CACNA2D3: variants seen among roughly 807,000 people sequenced by gnomAD.
CACNA2D3 encodes voltage-dependent calcium channel subunit alpha-2/delta-3.
In CACNA2D3, 60 loss-of-function variants were observed where a neutral mutation model predicts 160.6. That is an observed-to-expected ratio of 0.37 (90% CI 0.30 to 0.46). The LOEUF is 0.46. Among genes scored for constraint, CACNA2D3 ranks in the 20% least tolerant of loss-of-function variants. CACNA2D3 has a pLI of 1.00. For synonymous variants in CACNA2D3, 558 were observed against 492.9 expected (o/e 1.13, Z -1.75); for missense variants, 1,205 against 1,365.0 (o/e 0.88, Z 1.85).
At chr3:54,187,747 A>T (rs1055033554) in intron 2 of CACNA2D3, among the ~76,000 whole-genome samples, 2 of 152,032 alleles carry the variant, frequency 1.3e-5, no homozygotes, top group African/African-American at 4.8e-5. Context: ...TTAGATTCTC[A>T]TAAGGAGCGT....
chr3:54,846,321 G>T, intron 16 of CACNA2D3, 72 bp from the exon 17 acceptor site: 4 of 909,192 alleles, frequency 4.4e-6, no homozygotes, highest in Non-Finnish European at 7.0e-6. Flanking sequence ...ACTAAATGCC[G>T]GGCTGCTTTA....
chr3:54,453,721 T>C (rs965761955), intron 4 of CACNA2D3, among the ~76,000 whole-genome samples: 2 of 152,190 alleles, frequency 1.3e-5, no homozygotes, highest in African/African-American at 2.4e-5. Context: ...GTTAGGTAAG[T>C]TGTGTCCATG....
intron 3 of CACNA2D3, among the ~76,000 whole-genome samples, chr3:54,360,860 C>T (rs1471897226): frequency 1.3e-5 from 2 of 152,122 alleles, no homozygotes; most frequent in African/African-American, 4.8e-5. Flanking sequence ...CCAATCAAGA[C>T]CTGGGCTGCC....
chr3:54,579,192 G>T (rs1702635157), intron 8 of CACNA2D3, among the ~76,000 whole-genome samples: 2 of 152,272 alleles, frequency 1.3e-5, no homozygotes, highest in Non-Finnish European at 2.9e-5. Context: ...AAAGTTTTGG[G>T]CTCTGGTTTA....
chr3:54,463,064 G>A (rs561926991), intron 4 of CACNA2D3, among the ~76,000 whole-genome samples: 305 of 151,636 alleles, frequency 2.0e-3, no homozygotes, highest in Non-Finnish European at 3.2e-3. Flanking sequence ...TGAAATTCTG[G>A]GTTGAAAATT....
chr3:54,811,377 A>G (rs978107585), intron 13 of CACNA2D3, among the ~76,000 whole-genome samples: 1 of 148,878 alleles, frequency 6.7e-6, no homozygotes, highest in Non-Finnish European at 1.5e-5. Context: ...GATCCAGGCT[A>G]TCATCTCGAT....
At chr3:54,492,507 C>G (rs1701126477) in intron 4 of CACNA2D3, among the ~76,000 whole-genome samples, 1 of 152,196 alleles carries the variant, frequency 6.6e-6, no homozygotes, top group African/African-American at 2.4e-5. Context: ...GCAGCTTTCC[C>G]TGGCCTCACC....
chr3:54,691,151 C>T (rs1700563128), intron 11 of CACNA2D3, among the ~76,000 whole-genome samples: 2 of 152,182 alleles, frequency 1.3e-5, no homozygotes, highest in East Asian at 1.9e-4. Flanking sequence ...CCGCCAGAGC[C>T]TTCTACCACC....
intron 2 of CACNA2D3, among the ~76,000 whole-genome samples, chr3:54,214,159 T>C (rs2107366994): frequency 6.6e-6 from 1 of 152,284 alleles, no homozygotes; most frequent in South Asian, 2.1e-4. Flanking sequence ...TGGCAGATTC[T>C]CATATTCCAG....
At chr3:54,708,127 G>A (rs1700889649) in intron 11 of CACNA2D3, among the ~76,000 whole-genome samples, 1 of 152,080 alleles carries the variant, frequency 6.6e-6, no homozygotes, top group Non-Finnish European at 1.5e-5. Flanking sequence ...GAACTCAGGG[G>A]CCTTATATTC....
chr3:54,329,378 A>G (rs965335835), intron 3 of CACNA2D3, among the ~76,000 whole-genome samples: 1 of 152,138 alleles, frequency 6.6e-6, no homozygotes, highest in African/African-American at 2.4e-5. Context: ...TGAGGGTGAT[A>G]TGGATGGTAT....
chr3:55,070,731 T>C (rs573639729), intron 35 of CACNA2D3, among the ~76,000 whole-genome samples: 1 of 152,356 alleles, frequency 6.6e-6, no homozygotes, highest in East Asian at 1.9e-4. Flanking sequence ...TGAAAATGTC[T>C]AAGGTTCTAC....
intron 9 of CACNA2D3, among the ~76,000 whole-genome samples, chr3:54,608,808 A>G (rs1698688230): frequency 6.6e-6 from 1 of 152,238 alleles, no homozygotes; most frequent in Non-Finnish European, 1.5e-5. Context: ...ATGTATAACT[A>G]GGGACCTTCT....
At chr3:54,664,197 G>A (rs569318554) in intron 11 of CACNA2D3, among the ~76,000 whole-genome samples, 16 of 152,312 alleles carry the variant, frequency 1.1e-4, no homozygotes, top group East Asian at 1.9e-4. Context: ...GGCCAGTCTG[G>A]CCAGTAAAGG....
intron 2 of CACNA2D3, among the ~76,000 whole-genome samples, chr3:54,177,360 G>A (rs770564089): frequency 6.6e-6 from 1 of 152,150 alleles, no homozygotes; most frequent in Non-Finnish European, 1.5e-5. Flanking sequence ...AGAAGAATTT[G>A]GCAGGACGTC....
intron 2 of CACNA2D3, among the ~76,000 whole-genome samples, chr3:54,191,397 ACATCAT>A (rs10533577): frequency 0.23 from 33,741 of 149,852 alleles, 4,156 homozygotes; most frequent in East Asian, 0.45. Flanking sequence ...TAAAACATCA[ACATCAT>A]CATCATCATC....
chr3:55,067,098 T>TGGGGG (rs560175834), intron 35 of CACNA2D3, among the ~76,000 whole-genome samples: 19 of 148,268 alleles, frequency 1.3e-4, no homozygotes, highest in African/African-American at 4.9e-4. Flanking sequence ...CAATCTTTTG[T>TGGGGG]AGCGGGGGGG....
chr3:54,415,260 T>C (rs981385412), intron 4 of CACNA2D3, among the ~76,000 whole-genome samples: 2 of 152,124 alleles, frequency 1.3e-5, no homozygotes, highest in Non-Finnish European at 2.9e-5. Context: ...TGCCCTTAGG[T>C]TGTTGATTAT....
At chr3:54,902,244 C>T (rs1375370354) in intron 27 of CACNA2D3, among the ~76,000 whole-genome samples, 2 of 152,200 alleles carry the variant, frequency 1.3e-5, no homozygotes, top group Non-Finnish European at 2.9e-5. Context: ...CTGACCTGGT[C>T]ATCTCATGTT....
Sources: gnomAD v4.1 joint callset for allele counts (sites outside exome capture counted in the v4.1 genomes callset) on GRCh38, gnomAD v4.1.1 for gene constraint, MANE v1.5 for transcripts, NCBI Gene and HGNC (gene_info 2026-07-23, HGNC 2026-07-21) for gene names.